Variants in LIMS2 observed in about 807,000 individuals in gnomAD.
The protein encoded by LIMS2 is LIM zinc finger domain containing 2.
A neutral mutation model predicts 45.3 loss-of-function variants in LIMS2; 30 were observed. The observed-to-expected ratio is 0.66, with a 90% CI of 0.50 to 0.90. The LOEUF (loss-of-function observed/expected upper bound fraction) is 0.90. LIMS2 is among the 40% of genes least tolerant of loss of function. The pLI is 0.00. For synonymous variants in LIMS2, 173 were observed against 188.0 expected (o/e 0.92, Z 0.65); for missense variants, 485 against 468.7 (o/e 1.03, Z -0.32).
At chr2:127,655,016 G>A (rs537754832) in intron 2 of LIMS2, 120 bp from the exon 3 acceptor site, 76 of 928,744 alleles carry the variant, frequency 8.2e-5, no homozygotes, top group African/African-American at 6.9e-4. Context: ...GGGGCATGCC[G>A]GGCTGAGGCT....
At chr2:127,654,265 G>A (rs1039958950) in intron 4 of LIMS2, among the ~76,000 whole-genome samples, 159 bp downstream of exon 4, 4 of 152,156 alleles carry the variant, frequency 2.6e-5, no homozygotes, top group Middle Eastern at 3.4e-3. Flanking sequence ...TGGACTATCC[G>A]CCCCGGGGTG....
At chr2:127,640,026 GC>G (rs1361060680) in intron 9 of LIMS2, 43 bp downstream of exon 9, 2 of 1,589,008 alleles carry the variant, frequency 1.3e-6, no homozygotes, top group Non-Finnish European at 1.7e-6. Context: ...ACCTGCAGGA[GC>G]CCCCTCCACC....
rs192351237 is a variant in LIMS2 at position 127,672,344 on chromosome 2, C to T, written c.11+2670G>A. Among the ~76,000 whole-genome samples the T allele has an allele frequency of 2.0e-3, 300 of 152,308 alleles. 1 individual carries two copies. Among genetic ancestry groups the T allele is most frequent in the African/African-American group, 6.8e-3 (284 of 41,554 alleles). On this transcript the variant is annotated intron_variant, in intron 1 of 9. Coordinates refer to ENST00000355119, the MANE Select transcript of LIMS2 (RefSeq NM_001161403.3). The surrounding 1 kb of genome is among the most constrained non-coding windows in gnomAD (Gnocchi z 4.9). ...TGAGGCCGAGCCCCCTCTCTTCCCA[C>T]GGCGTGCCACCCCATGCTCTGGGCT...
Position 127,654,449 on chromosome 2 carries a change from G to A in LIMS2, c.334C>T (p.Leu112=). The A allele has an allele frequency of 6.2e-7, 1 of 1,614,150 alleles. No individual in the cohort carries two copies. The highest frequency in any genetic ancestry group is 8.5e-7 in the Non-Finnish European group (1 of 1,180,008). ...CELCDVELAD[L]GFVKNAGRHL... is the part of the protein sequence containing the mutation. The stretch of plus-strand genomic sequence containing the variant: ...CTGCCGGCATTCTTCACAAAGCCCA[G>A]GTCAGCCAGCTCCACATCACACAGC... The change falls in exon 4 of 10, where the codon CTG becomes TTG. Residue 112 remains leucine, a synonymous_variant. Coordinates refer to ENST00000355119, the MANE Select transcript of LIMS2 (RefSeq NM_001161403.3).
Position 127,653,908 on chromosome 2 carries a change from CACAG to C in LIMS2, c.359+512_359+515del, listed in dbSNP as rs529104947. Among the ~76,000 whole-genome samples, 35 of 152,148 alleles carry C rather than the reference CACAG, an allele frequency of 2.3e-4. 1 individual carries two copies. The East Asian group carries it at 6.6e-3, about 29-fold the overall frequency. On this transcript the variant is annotated intron_variant, in intron 4 of 9. Transcript: ENST00000355119. The surrounding 1 kb of genome is among the most constrained non-coding windows in gnomAD (Gnocchi z 5.3). Reference sequence around the variant, plus strand: ...AGAAAGTGTGGGGATGAACAGGGCTCACAGACAGAGGCCGGGCTGCACGGGATCT... The same window carrying C: ...AGAAAGTGTGGGGATGAACAGGGCTCACAGAGGCCGGGCTGCACGGGATCT...
At chr2:127,651,330 G>A in intron 4 of LIMS2, 1 of 1,611,110 alleles carries the variant, frequency 6.2e-7, no homozygotes, top group Non-Finnish European at 8.5e-7. Context: ...GTCCCTGGCA[G>A]TGGCCTTCAC....
chr2:127,643,246 A>G (rs1682617947), intron 4 of LIMS2, 174 bp from the exon 5 acceptor site: 2 of 654,602 alleles, frequency 3.1e-6, no homozygotes, highest in Non-Finnish European at 5.2e-6. Flanking sequence ...AGAAGGTCAC[A>G]AGTGTGTCCT....
In LIMS2 at chr2:127,653,664, A is replaced by G. The variant is rs1446482704; in HGVS notation, c.359+760T>C. On this transcript the variant is annotated intron_variant, in intron 4 of 9. Transcript: ENST00000355119. This position sits in a 1 kb window ranked among gnomAD's most constrained non-coding sequence, Gnocchi z 5.3. ...GGAACTCAGGGTCCCGGGTGCCAGA[A>G]GGGGGGCGTTTCTGCACCTCAGCAG... Among the ~76,000 whole-genome samples the G allele has an allele frequency of 6.6e-6, 1 of 151,950 alleles. No homozygotes were observed. The highest frequency in any genetic ancestry group is 1.9e-4 in the East Asian group (1 of 5,184).
intron 1 of LIMS2, among the ~76,000 whole-genome samples, chr2:127,660,610 G>A (rs151247791): frequency 8.1e-4 from 123 of 152,272 alleles, no homozygotes; most frequent in African/African-American, 2.5e-3. Context: ...AAGAAACTCC[G>A]GACATATCTG....
intron 1 of LIMS2, chr2:127,674,671 C>T: frequency 1.0e-6 from 1 of 985,464 alleles, no homozygotes; most frequent in East Asian, 1.1e-4. Flanking sequence ...GGGAGGCACG[C>T]AACCTTTGAA....
rs778844750 is a variant in LIMS2 at position 127,638,676 on chromosome 2, G to A, written c.*605C>T. 2 of 152,782 alleles carry A rather than the reference G, an allele frequency of 1.3e-5. No individual in the cohort carries two copies. Among genetic ancestry groups the A allele is most frequent in the Non-Finnish European group, 2.9e-5 (2 of 68,392 alleles). The allele number at this position is 152,782 out of a possible 1,614,324, so 9.5% of individuals were successfully genotyped here. A position where few individuals can be genotyped will look rare whatever the true frequency, so the allele number is the denominator to read the frequency against. ...ATTCCAGGAAGGCCTTCCGAAGGAT[G>A]GAGGTGGGTCCTGTCCCTCCAGGTA... is the stretch of plus-strand genomic sequence containing the variant. On this transcript the variant is annotated 3_prime_UTR_variant, in exon 10 of 10. Coordinates refer to ENST00000355119, the MANE Select transcript of LIMS2 (RefSeq NM_001161403.3).
At position 127,675,327 on chromosome 2, in the gene LIMS2, G is replaced by T. The variant is rs1477867730; in HGVS notation, c.-303C>A. 3 of 121,138 alleles carry T rather than the reference G, an allele frequency of 2.5e-5. No homozygotes were observed. The highest frequency in any genetic ancestry group is 5.2e-5 in the Non-Finnish European group (3 of 57,712). The allele number at this position is 121,138 out of a possible 1,614,324, so 7.5% of individuals were successfully genotyped here. A position where few individuals can be genotyped will look rare whatever the true frequency, so the allele number is the denominator to read the frequency against. ...GCAGGTGGGGGTGGCGGCGGGTAGG[G>T]TTGGAGGGGTGGGGGTTAAAGGTGG... On this transcript the variant is annotated 5_prime_UTR_variant, in exon 1 of 10. Transcript: ENST00000355119.
intron 2 of LIMS2, 33 bp downstream of exon 2, chr2:127,657,370 T>C (rs762827240): frequency 6.2e-7 from 1 of 1,613,076 alleles, no homozygotes; most frequent in Admixed American, 1.7e-5. Flanking sequence ...GACTCCGAGC[T>C]GGGTCTGAGA....
intron 4 of LIMS2, chr2:127,651,683 G>C (rs777538885): frequency 5.0e-6 from 8 of 1,613,288 alleles, no homozygotes; most frequent in Admixed American, 3.3e-5. Flanking sequence ...GTGGCAAAAG[G>C]CTCAAGGGCC....
At position 127,642,231 on chromosome 2, in the gene LIMS2, C is replaced by T. The variant is rs1682499728; in HGVS notation, c.510-32G>A. ...GACAGCGTGCAGCCCCCAGGTGCCA[C>T]CCCTGCCCTTCTGCAGGGTCATGCC... On this transcript the variant is annotated intron_variant, in intron 5 of 9. Transcript: ENST00000355119. The surrounding 1 kb of genome is among the most constrained non-coding windows in gnomAD (Gnocchi z 5.3). 1 of 1,484,420 alleles carries T rather than the reference C, an allele frequency of 6.7e-7. No individual in the cohort carries two copies. Among genetic ancestry groups the T allele is most frequent in the Non-Finnish European group, 9.0e-7 (1 of 1,110,866 alleles). The allele number at this position is 1,484,420 out of a possible 1,614,324, so 92.0% of individuals were successfully genotyped here. A position where few individuals can be genotyped will look rare whatever the true frequency, so the allele number is the denominator to read the frequency against.
chr2:127,665,722 T>C (rs1225866891), intron 1 of LIMS2, among the ~76,000 whole-genome samples: 2 of 152,178 alleles, frequency 1.3e-5, no homozygotes, highest in Non-Finnish European at 2.9e-5. Flanking sequence ...GTCAATGCCA[T>C]AGGGCCTAGA....
At position 127,652,467 on chromosome 2, in the gene LIMS2, T is replaced by C. The variant is rs1573803432; in HGVS notation, c.359+1957A>G. 1.8e-5 allele frequency: 3 copies of C among 167,290 alleles called. No individual in the cohort carries two copies. In the East Asian group the frequency reaches 5.8e-4, roughly 32 times the overall value. 10.4% of individuals were successfully genotyped at this position (167,290 alleles called of 1,614,324 possible). On this transcript the variant is annotated intron_variant, in intron 4 of 9. Transcript: ENST00000355119. ...GCATGTGCAGTCACGGGAGCTCAGC[T>C]CAGGCCAGGGCTGGGCTGTGCACCT...
rs566269595 is a variant in LIMS2, at chr2:127,650,409, G to A, written c.359+4015C>T. 7.5e-5 allele frequency: 40 copies of A among 529,868 alleles called. 1 individual carries two copies. Among genetic ancestry groups the A allele is most frequent in the South Asian group, 5.3e-4 (21 of 39,984 alleles). 32.8% of individuals were successfully genotyped at this position (529,868 alleles called of 1,614,324 possible). A position where few individuals can be genotyped will look rare whatever the true frequency, so the allele number is the denominator to read the frequency against. On this transcript the variant is annotated intron_variant, in intron 4 of 9. Coordinates refer to ENST00000355119, the MANE Select transcript of LIMS2 (RefSeq NM_001161403.3). The stretch of plus-strand genomic sequence containing the variant: ...AGGCAAGGCTCACGTCCCATTCCCC[G>A]CCATGGCACTGACCCGGTCCTCCCA...
chr2:127,642,460 G>GC lies in LIMS2; in HGVS notation c.510-262dup, dbSNP rs1244434478. ...CTCTGAGAAGCAGGTCTGTTCTTGG[G>GC]CCCCCCTCCTCCTCCAAACCAGAGG... is the stretch of plus-strand genomic sequence containing the variant. On this transcript the variant is annotated intron_variant, in intron 5 of 9. Coordinates refer to ENST00000355119, the MANE Select transcript of LIMS2 (RefSeq NM_001161403.3). The surrounding 1 kb of genome is among the most constrained non-coding windows in gnomAD (Gnocchi z 5.3). 1.7e-5 allele frequency: 7 copies of GC among 400,880 alleles called. No individual in the cohort carries two copies. The highest frequency in any genetic ancestry group is 6.4e-4 in the Middle Eastern group (1 of 1,566). 24.8% of individuals were successfully genotyped at this position (400,880 alleles called of 1,614,324 possible). A position where few individuals can be genotyped will look rare whatever the true frequency, so the allele number is the denominator to read the frequency against.
Sources: gnomAD v4.1 joint callset for allele counts (sites outside exome capture counted in the v4.1 genomes callset) on GRCh38, gnomAD v4.1.1 for gene constraint, Gnocchi (gnomAD v3.1) non-coding constraint, MANE v1.5 for transcripts, NCBI Gene and HGNC (gene_info 2026-07-23, HGNC 2026-07-21) for gene names.